The following DPYD variants were observed in gnomAD, a reference collection of about 807,000 sequenced individuals.
DPYD encodes dihydropyrimidine dehydrogenase [NADP(+)].
A neutral mutation model predicts 116.2 loss-of-function variants in DPYD; 109 were observed. The ratio of observed to expected loss-of-function variants is 0.94; its 90% CI spans 0.80 to 1.10. DPYD has a LOEUF of 1.10. Among genes scored for constraint, DPYD ranks in the 50% least tolerant of loss-of-function variants. The pLI is 0.00. For synonymous variants in DPYD, 440 were observed against 432.0 expected (o/e 1.02, Z -0.23); for missense variants, 1,302 against 1,254.5 (o/e 1.04, Z -0.57).
chr1:97,191,152 C>G (rs558527287), intron 20 of DPYD, among the ~76,000 whole-genome samples: 1 of 151,746 alleles, frequency 6.6e-6, no homozygotes, highest in Non-Finnish European at 1.5e-5. Flanking sequence ...GAGAATGATG[C>G]ACATGTACCC....
intron 14 of DPYD, among the ~76,000 whole-genome samples, chr1:97,391,048 C>CTTTTTTTTTTTTT (rs571016808): frequency 3.0e-5 from 4 of 132,460 alleles, no homozygotes; most frequent in Non-Finnish European, 4.8e-5. Flanking sequence ...TACTTTTCCT[C>CTTTTTTTTTTTTT]TTTTTTTTTT....
intron 18 of DPYD, among the ~76,000 whole-genome samples, chr1:97,237,272 A>T (rs918751710): frequency 7.0e-6 from 1 of 143,628 alleles, no homozygotes; most frequent in East Asian, 2.0e-4. Flanking sequence ...AAAAAAAAAA[A>T]TCGGTGGCTT....
At chr1:97,241,322 G>C (rs1662323820) in intron 18 of DPYD, among the ~76,000 whole-genome samples, 1 of 151,964 alleles carries the variant, frequency 6.6e-6, no homozygotes, top group African/African-American at 2.4e-5. Context: ...CATTCATAGA[G>C]TGATTTCCAC....
intron 8 of DPYD, among the ~76,000 whole-genome samples, chr1:97,667,776 G>T (rs1360197445): frequency 1.3e-5 from 2 of 152,050 alleles, no homozygotes; most frequent in African/African-American, 4.8e-5. Context: ...ATGTTTGTGG[G>T]AGCATTATTC....
intron 3 of DPYD, among the ~76,000 whole-genome samples, chr1:97,790,915 C>G (rs935711729): frequency 6.6e-6 from 1 of 152,124 alleles, no homozygotes; most frequent in Non-Finnish European, 1.5e-5. Context: ...AAATAAATTT[C>G]CAGTTATCTA....
chr1:97,536,429 A>C (rs1650003420), intron 12 of DPYD, among the ~76,000 whole-genome samples: 1 of 152,206 alleles, frequency 6.6e-6, no homozygotes, highest in Non-Finnish European at 1.5e-5. Context: ...GTAAGTCTCA[A>C]GATTTTAATA....
chr1:97,615,161 A>G (rs1656187105), intron 8 of DPYD, among the ~76,000 whole-genome samples: 1 of 152,102 alleles, frequency 6.6e-6, no homozygotes, highest in Admixed American at 6.6e-5. Flanking sequence ...AAATTCATAA[A>G]CCCATATATC....
intron 18 of DPYD, among the ~76,000 whole-genome samples, chr1:97,264,129 A>C (rs1318822816): frequency 7.0e-6 from 1 of 142,338 alleles, no homozygotes; most frequent in African/African-American, 2.6e-5. Flanking sequence ...GATAGCTATG[A>C]CTGCCAATTC....
intron 3 of DPYD, among the ~76,000 whole-genome samples, chr1:97,762,052 T>G (rs1196699217): frequency 6.6e-6 from 1 of 152,110 alleles, no homozygotes. Context: ...CTACCTATCA[T>G]GTACTATCCT....
chr1:97,262,354 A>T (rs1457297595), intron 18 of DPYD, among the ~76,000 whole-genome samples: 1 of 152,030 alleles, frequency 6.6e-6, no homozygotes, highest in Non-Finnish European at 1.5e-5. Flanking sequence ...TAGATGAGCG[A>T]TTGCATGTAA....
chr1:97,206,663 T>C (rs1327255758), intron 19 of DPYD, among the ~76,000 whole-genome samples: 3 of 117,452 alleles, frequency 2.6e-5, no homozygotes, highest in Admixed American at 8.8e-5. Flanking sequence ...TATATATATA[T>C]ATATATATAT....
At chr1:97,525,758 T>TAGAG (rs58098297) in intron 12 of DPYD, among the ~76,000 whole-genome samples, 17,503 of 108,552 alleles carry the variant, frequency 0.16, 1,695 homozygotes, top group East Asian at 0.22. Flanking sequence ...CCTGGGTAAT[T>TAGAG]AGAGAGAGAG....
At chr1:97,469,397 C>CAAAAAAAAAAAAAAAAAAAAAAAAAACA (rs1677505669) in intron 13 of DPYD, among the ~76,000 whole-genome samples, 1 of 80,800 alleles carries the variant, frequency 1.2e-5, no homozygotes, top group Non-Finnish European at 2.1e-5. Flanking sequence ...GCTAAAATTG[C>CAAAAAAAAAAAAAAAAAAAAAAAAAACA]AAAAAAAAAA....
At chr1:97,123,305 A>T (rs889151329) in intron 20 of DPYD, among the ~76,000 whole-genome samples, 3 of 152,020 alleles carry the variant, frequency 2.0e-5, no homozygotes, top group African/African-American at 7.2e-5. Flanking sequence ...GACAAAATTT[A>T]TTTTTTTCTA....
chr1:97,313,825 G>T, intron 16 of DPYD, among the ~76,000 whole-genome samples: 1 of 151,812 alleles, frequency 6.6e-6, no homozygotes, highest in African/African-American at 2.4e-5. Flanking sequence ...CATCTTCTCT[G>T]TTCCATAATC....
chr1:97,341,846 T>C (rs1304772310), intron 16 of DPYD, among the ~76,000 whole-genome samples: 1 of 152,082 alleles, frequency 6.6e-6, no homozygotes, highest in Non-Finnish European at 1.5e-5. Flanking sequence ...GTCGATTCCA[T>C]GTTGAGTGAC....
At chr1:97,099,321 T>C (rs1570452173) in intron 20 of DPYD, among the ~76,000 whole-genome samples, 1 of 152,076 alleles carries the variant, frequency 6.6e-6, no homozygotes, top group African/African-American at 2.4e-5. Flanking sequence ...TCCATCAGTA[T>C]TCAAAATCAC....
intron 14 of DPYD, among the ~76,000 whole-genome samples, chr1:97,403,028 C>T (rs961833245): frequency 1.3e-5 from 2 of 151,962 alleles, no homozygotes; most frequent in African/African-American, 2.4e-5. Flanking sequence ...TTTTGTTGAG[C>T]ATTTTTGCAT....
intron 20 of DPYD, among the ~76,000 whole-genome samples, chr1:97,112,955 T>C (rs1366433010): frequency 6.6e-6 from 1 of 152,148 alleles, no homozygotes; most frequent in Non-Finnish European, 1.5e-5. Context: ...GGTCAGTGGG[T>C]ATTTTTAAGG....
Sources: gnomAD v4.1 joint callset for allele counts (sites outside exome capture counted in the v4.1 genomes callset) on GRCh38, gnomAD v4.1.1 for gene constraint, MANE v1.5 for transcripts, NCBI Gene and HGNC (gene_info 2026-07-23, HGNC 2026-07-21) for gene names.